CSMD1: variants seen among roughly 807,000 people sequenced by gnomAD.
CSMD1 encodes CUB and Sushi multiple domains 1, also known as CUB and sushi domain-containing protein 1.
In CSMD1, 213 loss-of-function variants were observed where a neutral mutation model predicts 417.5. The observed-to-expected ratio is 0.51, with a 90% confidence interval of 0.46 to 0.57. CSMD1 has a LOEUF of 0.57. Ranked by LOEUF, CSMD1 falls within the 20% of genes least tolerant of loss-of-function variation. The pLI is 0.00. For missense variants in CSMD1, 6,923 were observed against 4,529.7 expected, an observed-to-expected ratio of 1.53 and a Z score of -15.17; for synonymous variants, 2,862 against 1,736.8, an observed-to-expected ratio of 1.65 and a Z score of -16.11.
chr8:3,910,759 T>A (rs888825686), intron 5 of CSMD1, among the ~76,000 whole-genome samples: 2 of 152,190 alleles, frequency 1.3e-5, no homozygotes, highest in African/African-American at 4.8e-5. Flanking sequence ...TCTTTAGAGA[T>A]TGTAGTGCCT....
chr8:3,987,168 T>C (rs2627386), intron 5 of CSMD1, among the ~76,000 whole-genome samples: 71,563 of 151,958 alleles, frequency 0.47, 16,887 homozygotes, highest in East Asian at 0.62. Context: ...GAGAAAGCAA[T>C]CCAGTATATA....
intron 5 of CSMD1, among the ~76,000 whole-genome samples, chr8:3,919,184 CAAAAAAAAAAAAA>C (rs71203490): frequency 4.4e-5 from 4 of 91,820 alleles, no homozygotes; most frequent in South Asian, 5.6e-4. Flanking sequence ...GTGTCATATC[CAAAAAAAAAAAAA>C]AAAAAAAAAA....
At chr8:4,253,190 C>T (rs1053498993) in intron 3 of CSMD1, among the ~76,000 whole-genome samples, 2 of 152,176 alleles carry the variant, frequency 1.3e-5, no homozygotes, top group Admixed American at 6.5e-5. Flanking sequence ...CTATTCTCCT[C>T]TTCTACGATC....
intron 7 of CSMD1, among the ~76,000 whole-genome samples, chr8:3,673,617 T>C (rs1799203693): frequency 1.3e-5 from 2 of 152,238 alleles, no homozygotes; most frequent in African/African-American, 4.8e-5. Context: ...TAACTCAGCC[T>C]GTTTGACCTA....
At chr8:4,652,317 C>T (rs998859090) in intron 1 of CSMD1, among the ~76,000 whole-genome samples, 1 of 152,132 alleles carries the variant, frequency 6.6e-6, no homozygotes, top group Non-Finnish European at 1.5e-5. Context: ...TTTGACATTT[C>T]TCATTAGTCT....
chr8:3,126,031 C>T (rs1005056903), intron 41 of CSMD1, among the ~76,000 whole-genome samples: 3 of 152,246 alleles, frequency 2.0e-5, no homozygotes, highest in East Asian at 1.9e-4. Flanking sequence ...AAATCTACCT[C>T]GGCAGTACAT....
intron 41 of CSMD1, among the ~76,000 whole-genome samples, chr8:3,135,109 T>A (rs148714657): frequency 1.3e-5 from 2 of 152,180 alleles, no homozygotes; most frequent in African/African-American, 4.8e-5. Flanking sequence ...AGAGACAGGG[T>A]CTCACCATGT....
intron 12 of CSMD1, among the ~76,000 whole-genome samples, chr8:3,462,163 AT>A (rs1816546287): frequency 6.6e-6 from 1 of 151,318 alleles, no homozygotes; most frequent in Non-Finnish European, 1.5e-5. Context: ...CCCACACTGC[AT>A]TTCTTTTCAG....
At chr8:3,358,010 T>C (rs1442665368) in intron 21 of CSMD1, among the ~76,000 whole-genome samples, 2 of 152,210 alleles carry the variant, frequency 1.3e-5, no homozygotes, top group Non-Finnish European at 2.9e-5. Flanking sequence ...TCATTTGAGT[T>C]ACATAATATC....
At chr8:4,546,686 G>A (rs1797653102) in intron 2 of CSMD1, among the ~76,000 whole-genome samples, 1 of 152,206 alleles carries the variant, frequency 6.6e-6, no homozygotes, top group South Asian at 2.1e-4. Flanking sequence ...CCTGTAGATA[G>A]CAGATCATGA....
intron 5 of CSMD1, among the ~76,000 whole-genome samples, chr8:3,868,099 G>T (rs1194032948): frequency 6.6e-6 from 1 of 151,966 alleles, no homozygotes; most frequent in African/African-American, 2.4e-5. Context: ...TTCCTTGCAT[G>T]CACAGTATTT....
chr8:4,041,583 C>G (rs1054756929), intron 3 of CSMD1, among the ~76,000 whole-genome samples: 6 of 152,136 alleles, frequency 3.9e-5, no homozygotes, highest in African/African-American at 1.4e-4. Context: ...TTCACAGTCT[C>G]TGGCATCCAA....
chr8:4,050,207 A>G (rs1399316542), intron 3 of CSMD1, among the ~76,000 whole-genome samples: 1 of 152,028 alleles, frequency 6.6e-6, no homozygotes, highest in African/African-American at 2.4e-5. Flanking sequence ...TCACTTGGCT[A>G]GGGTCGTGTT....
At chr8:3,430,948 T>C (rs973855254) in intron 12 of CSMD1, among the ~76,000 whole-genome samples, 5 of 152,164 alleles carry the variant, frequency 3.3e-5, no homozygotes, top group Admixed American at 2.0e-4. Flanking sequence ...ACTAGTAAAC[T>C]GGAGGGTTCA....
chr8:4,568,326 C>G (rs1456315600), intron 2 of CSMD1, among the ~76,000 whole-genome samples: 1 of 152,022 alleles, frequency 6.6e-6, no homozygotes, highest in African/African-American at 2.4e-5. Flanking sequence ...TCCCTGTGTC[C>G]CTGTGTTCTC....
intron 5 of CSMD1, among the ~76,000 whole-genome samples, chr8:3,931,007 A>G (rs1196517933): frequency 6.6e-6 from 1 of 150,660 alleles, no homozygotes; most frequent in Non-Finnish European, 1.5e-5. Flanking sequence ...GGTGTTAACT[A>G]GCCATAGTGC....
intron 2 of CSMD1, among the ~76,000 whole-genome samples, chr8:4,441,140 C>G (rs1446531080): frequency 1.0e-4 from 7 of 67,620 alleles, no homozygotes; most frequent in South Asian, 1.2e-3. Context: ...TCTCTGTCAC[C>G]TAAGCTAGAG....
intron 54 of CSMD1, among the ~76,000 whole-genome samples, chr8:2,989,191 C>A (rs1806175163): frequency 6.6e-6 from 1 of 152,312 alleles, no homozygotes; most frequent in East Asian, 1.9e-4. Context: ...TTTTGTTCAG[C>A]TGCTTTTTTT....
chr8:4,054,080 C>T (rs113442079), intron 3 of CSMD1, among the ~76,000 whole-genome samples: 7 of 152,106 alleles, frequency 4.6e-5, no homozygotes, highest in African/African-American at 1.2e-4. Flanking sequence ...CTCTCTCTGT[C>T]GCAGTTCACT....
Sources: gnomAD v4.1 joint callset for allele counts (sites outside exome capture counted in the v4.1 genomes callset) on GRCh38, gnomAD v4.1.1 for gene constraint, MANE v1.5 for transcripts, NCBI Gene and HGNC (gene_info 2026-07-23, HGNC 2026-07-21) for gene names.